The following LRRK2 variants were observed in gnomAD, a reference collection of about 807,000 sequenced individuals.
LRRK2 encodes leucine rich repeat kinase 2, also known as leucine-rich repeat serine/threonine-protein kinase 2.
Under a neutral mutation model 302.6 loss-of-function variants are expected in LRRK2, and 203 were observed. That is an observed-to-expected ratio of 0.67 (90% CI 0.60 to 0.75). LRRK2 has a LOEUF of 0.75. Ranked by LOEUF, LRRK2 falls within the 30% of genes least tolerant of loss-of-function variation. LRRK2 has a pLI of 0.00. For missense variants in LRRK2, 2,830 were observed against 2,951.0 expected (o/e 0.96, Z 0.95); for synonymous variants, 1,066 against 1,031.9 (o/e 1.03, Z -0.63).
chr12:40,253,895 G>C (rs973347723), intron 11 of LRRK2, among the ~76,000 whole-genome samples: 1 of 152,108 alleles, frequency 6.6e-6, no homozygotes, highest in African/African-American at 2.4e-5. Context: ...TGGGTAGAGA[G>C]CTATTCACCA....
chr12:40,277,793 G>A (rs776553710), intron 16 of LRRK2, 95 bp from the exon 17 acceptor site: 9 of 1,139,316 alleles, frequency 7.9e-6, no homozygotes, highest in African/African-American at 1.6e-5. Context: ...GAACATCCTA[G>A]GTATTGTTTC....
At chr12:40,287,862 G>A (rs988403902) in intron 20 of LRRK2, among the ~76,000 whole-genome samples, 1 of 151,802 alleles carries the variant, frequency 6.6e-6, no homozygotes, top group Non-Finnish European at 1.5e-5. Flanking sequence ...CTTGTTAAAG[G>A]TAGTAATGTC....
At chr12:40,296,836 T>C (rs1944404104) in intron 23 of LRRK2, among the ~76,000 whole-genome samples, 1 of 152,142 alleles carries the variant, frequency 6.6e-6, no homozygotes, top group African/African-American at 2.4e-5. Flanking sequence ...ATGTCTAAAA[T>C]GTGTCTTTCT....
chr12:40,342,875 G>A (rs1946087467), intron 41 of LRRK2, among the ~76,000 whole-genome samples: 1 of 152,052 alleles, frequency 6.6e-6, no homozygotes, highest in Non-Finnish European at 1.5e-5. Context: ...CATTACGGCT[G>A]TATTAGGAGC....
intron 16 of LRRK2, 74 bp from the exon 17 acceptor site, chr12:40,277,812 ACT>A: frequency 7.4e-7 from 1 of 1,349,692 alleles, no homozygotes; most frequent in Middle Eastern, 2.5e-4. Context: ...TCATATACAA[ACT>A]CTCTCTGCTT....
rs1206068256 is a variant in LRRK2, at chr12:40,281,000, G to A, written c.2241+2739G>A. The stretch of plus-strand genomic sequence containing the variant: ...GGAGAATGGCGTGAACCTGGAAGGC[G>A]GAGCTTGCAGTGAGCCTAGATCGCG... On this transcript the variant is annotated intron_variant, in intron 18 of 50. Coordinates refer to ENST00000298910, the MANE Select transcript of LRRK2 (RefSeq NM_198578.4). Among the ~76,000 whole-genome samples the A allele has an allele frequency of 3.3e-5, 5 of 151,388 alleles. No homozygotes were observed. In the South Asian group the frequency reaches 6.3e-4, roughly 19 times the overall value.
chr12:40,283,985 C>A lies in LRRK2; in HGVS notation c.2352C>A (p.Ser784Arg), dbSNP rs398124660. 33 of 1,613,984 alleles carry A rather than the reference C, an allele frequency of 2.0e-5. No individual in the cohort carries two copies. Among genetic ancestry groups the A allele is most frequent in the Non-Finnish European group, 2.6e-5 (31 of 1,179,910 alleles). ...CGATAAGCATTGGGAAAGGTGACAGCCAGATCATCAGCTTGCTCTTAAGGA... is the reference window on the plus strand; with the variant it reads ...CGATAAGCATTGGGAAAGGTGACAGACAGATCATCAGCTTGCTCTTAAGGA... ...ALTISIGKGD[S>R]QIISLLLRRL... Residue 784 changes from serine (S) to arginine (R), a missense_variant, in exon 19 of 51, where the codon AGC (serine) becomes AGA (arginine). Ser to Arg is a moderately radical substitution (Grantham distance 110, BLOSUM62 -1). This residue lies in a region of LRRK2 where 2,121 missense variants were observed against 2,148.0 expected (regional missense o/e 0.99). Transcript: ENST00000298910.
chr12:40,340,396 C>A lies in LRRK2; in HGVS notation c.6051C>A (p.Asp2017Glu). 1 of 1,613,876 alleles carries A rather than the reference C, an allele frequency of 6.2e-7. No homozygotes were observed. The highest frequency in any genetic ancestry group is 8.5e-7 in the Non-Finnish European group (1 of 1,179,864). The part of the protein sequence containing the change: ...PNAAIIAKIA[D>E]YGIAQYCCRM... ...CTGCCATCATTGCAAAGATTGCTGA[C>A]TACGGCATTGCTCAGTACTGCTGTA... The change falls in exon 41 of 51, where the codon GAC (aspartate) becomes GAA (glutamate). Residue 2017 changes from aspartate to glutamate, a missense_variant. Around this residue, in one of 3 missense-constraint regions of LRRK2, gnomAD observed 253 missense variants for 346.7 expected, o/e 0.73. Transcript: ENST00000298910.
intron 2 of LRRK2, 135 bp from the exon 3 acceptor site, chr12:40,232,139 C>A: frequency 1.4e-6 from 1 of 711,220 alleles, no homozygotes; most frequent in Non-Finnish European, 2.5e-6. Flanking sequence ...TTTAGGGTAT[C>A]ATTTTGTTGT....
At chr12:40,272,809 A>G (rs1411996066) in intron 14 of LRRK2, among the ~76,000 whole-genome samples, 3 of 152,182 alleles carry the variant, frequency 2.0e-5, no homozygotes, top group Admixed American at 6.6e-5. Flanking sequence ...ATTCAGAATA[A>G]TAAGGAAAGA....
Position 40,308,637 on chromosome 12 carries a change from C to T in LRRK2, c.4130C>T (p.Pro1377Leu). The T allele has an allele frequency of 6.2e-7, 1 of 1,613,920 alleles. No individual in the cohort carries two copies. ...GTTGGCATAGATGTGAAAGACTGGC[C>T]TATCCAAATAAGAGACAAAAGAAAG... Reference protein sequence around the residue: ...ATVGIDVKDWPIQIRDKRKRD... With the variant: ...ATVGIDVKDWLIQIRDKRKRD... The change falls in exon 29 of 51, where the codon CCT becomes CTT. Residue 1377 changes from proline to leucine, a missense_variant. Transcript: ENST00000298910.
intron 19 of LRRK2, among the ~76,000 whole-genome samples, chr12:40,285,829 A>G (rs576565149): frequency 6.6e-6 from 1 of 152,176 alleles, no homozygotes; most frequent in East Asian, 1.9e-4. Flanking sequence ...GGGCACAGAC[A>G]GTGTTTTTAC....
At chr12:40,296,184 G>A (rs1243609640) in intron 23 of LRRK2, among the ~76,000 whole-genome samples, 3 of 151,900 alleles carry the variant, frequency 2.0e-5, no homozygotes, top group Non-Finnish European at 2.9e-5. Flanking sequence ...TTCCTGTCTT[G>A]TAAGAATTAA....
At chr12:40,226,684 T>C (rs1220950024) in intron 2 of LRRK2, among the ~76,000 whole-genome samples, 1 of 152,196 alleles carries the variant, frequency 6.6e-6, no homozygotes, top group East Asian at 1.9e-4. Flanking sequence ...TATTATAGAT[T>C]TTCACGCTGC....
chr12:40,367,782 G>A lies in LRRK2; in HGVS notation c.*17G>A, dbSNP rs1226917118. On this transcript the variant is annotated 3_prime_UTR_variant, in exon 51 of 51. Transcript: ENST00000298910. ...GTTGAGTAAGAGAGAAATAGGAATTGTCTTTGGATAGGAAAATTATTCTCT... is the reference window on the plus strand; with the variant it reads ...GTTGAGTAAGAGAGAAATAGGAATTATCTTTGGATAGGAAAATTATTCTCT... The A allele has an allele frequency of 1.3e-6, 2 of 1,599,496 alleles. No homozygotes were observed. The highest frequency in any genetic ancestry group is 1.7e-5 in the Admixed American group (1 of 58,524).
rs551418264 is a variant in LRRK2 at position 40,318,263 on chromosome 12, A to G, written c.4828-1725A>G. 2.6e-5 allele frequency among the ~76,000 whole-genome samples: 4 copies of G among 152,170 alleles called. No individual in the cohort carries two copies. The South Asian group carries it at 6.2e-4, about 24-fold the overall frequency. ...AAGAGACTCTATATGAATAGCACCT[A>G]TGTATAGGGATGGAAATGATGTGTC... is the stretch of plus-strand genomic sequence containing the variant. On this transcript the variant is annotated intron_variant, in intron 33 of 50. Coordinates refer to ENST00000298910, the MANE Select transcript of LRRK2 (RefSeq NM_198578.4).
chr12:40,227,677 C>T (rs917478874), intron 2 of LRRK2, among the ~76,000 whole-genome samples: 1 of 151,604 alleles, frequency 6.6e-6, no homozygotes, highest in Admixed American at 6.6e-5. Flanking sequence ...GTATGTATAC[C>T]ACATTTTCTT....
Position 40,299,229 on chromosome 12 carries a change from G to A in LRRK2, c.3468G>A (p.Glu1156=). ...ENFLEACPKV[E]SFSARMNFLA... ...TTCTTGAGGCTTGTCCTAAAGTGGAGAGTTTCAGTGCCAGAATGAATTTTC... is the reference window on the plus strand; with the variant it reads ...TTCTTGAGGCTTGTCCTAAAGTGGAAAGTTTCAGTGCCAGAATGAATTTTC... Residue 1156 remains glutamate, a synonymous_variant, in exon 25 of 51, where the codon GAG becomes GAA. Transcript: ENST00000298910. 6.2e-7 allele frequency: 1 copy of A among 1,613,444 alleles called. No individual in the cohort carries two copies. The highest frequency in any genetic ancestry group is 1.1e-5 in the South Asian group (1 of 91,078).
chr12:40,268,052 T>G (rs2136567029), intron 14 of LRRK2, among the ~76,000 whole-genome samples: 1 of 152,270 alleles, frequency 6.6e-6, no homozygotes, highest in East Asian at 1.9e-4. Context: ...GCAATAAAAT[T>G]CAAGCTGAAG....
Sources: allele counts gnomAD v4.1 joint callset (sites outside exome capture counted in the v4.1 genomes callset), GRCh38; gene constraint gnomAD v4.1.1; regional missense constraint gnomAD v4.1.1; transcripts MANE v1.5; gene names NCBI Gene and HGNC (gene_info 2026-07-23, HGNC 2026-07-21).